The following SORCS2 variants were observed in gnomAD, a reference collection of about 807,000 sequenced individuals.
SORCS2 encodes the protein sortilin related VPS10 domain containing receptor 2.
Under a neutral mutation model 141.6 loss-of-function variants are expected in SORCS2, and 100 were observed. That is an observed-to-expected ratio of 0.71 (90% CI 0.60 to 0.83). The LOEUF (loss-of-function observed/expected upper bound fraction) is 0.83, where lower values mean the gene tolerates loss of function less well. Ranked by LOEUF, SORCS2 falls within the 40% of genes least tolerant of loss-of-function variation. SORCS2 has a pLI of 0.00. For synonymous variants in SORCS2, 789 were observed against 676.9 expected, an observed-to-expected ratio of 1.17 and a Z score of -2.57; for missense variants, 1,646 against 1,560.2, an observed-to-expected ratio of 1.05 and a Z score of -0.93.
chr4:7,502,060 T>C (rs1287061029), intron 2 of SORCS2, among the ~76,000 whole-genome samples: 8 of 152,116 alleles, frequency 5.3e-5, no homozygotes, highest in Non-Finnish European at 8.8e-5. Context: ...TGAGCGCCAG[T>C]CACATGTGCC....
At chr4:7,585,033 G>A (rs1716444245) in intron 3 of SORCS2, among the ~76,000 whole-genome samples, 1 of 152,188 alleles carries the variant, frequency 6.6e-6, no homozygotes. Context: ...GGGAGAGAAA[G>A]AGCAGCCGTT....
At chr4:7,722,705 A>G (rs1024928707) in intron 18 of SORCS2, among the ~76,000 whole-genome samples, 1 of 152,206 alleles carries the variant, frequency 6.6e-6, no homozygotes, top group African/African-American at 2.4e-5. Context: ...CCCTATTTCC[A>G]AATGAGGTCA....
At chr4:7,238,747 T>C (rs1201158264) in intron 1 of SORCS2, among the ~76,000 whole-genome samples, 1 of 152,182 alleles carries the variant, frequency 6.6e-6, no homozygotes, top group East Asian at 1.9e-4. Flanking sequence ...GCTTGGTGCT[T>C]CTGTTTTCGC....
At chr4:7,703,134 C>A in intron 12 of SORCS2, 146 bp from the exon 13 acceptor site, 1 of 607,692 alleles carries the variant, frequency 1.6e-6, no homozygotes, top group Non-Finnish European at 2.8e-6. Flanking sequence ...TGGCCCGGGA[C>A]ATGCAGGGAA....
intron 1 of SORCS2, among the ~76,000 whole-genome samples, chr4:7,379,491 C>A (rs1008772536): frequency 6.6e-6 from 1 of 152,236 alleles, no homozygotes; most frequent in African/African-American, 2.4e-5. Context: ...GTTGGCTGGG[C>A]TGCTGCAATT....
intron 3 of SORCS2, among the ~76,000 whole-genome samples, chr4:7,570,946 C>G (rs1460957204): frequency 1.3e-5 from 2 of 152,158 alleles, no homozygotes; most frequent in African/African-American, 4.8e-5. Context: ...GCTGTTCTGC[C>G]CCTTTTCCAG....
intron 1 of SORCS2, among the ~76,000 whole-genome samples, chr4:7,195,086 C>T (rs779292155): frequency 1.6e-4 from 25 of 151,970 alleles, no homozygotes; most frequent in Non-Finnish European, 2.9e-4. Flanking sequence ...GTCAGAGGAG[C>T]CCATGTGGCT....
chr4:7,436,599 G>T (rs190637773), intron 2 of SORCS2, among the ~76,000 whole-genome samples: 2 of 152,212 alleles, frequency 1.3e-5, no homozygotes, highest in Non-Finnish European at 2.9e-5. Context: ...TTCTTGGCTC[G>T]GCATTGTCTT....
At chr4:7,264,539 G>A (rs1714586712) in intron 1 of SORCS2, among the ~76,000 whole-genome samples, 1 of 152,208 alleles carries the variant, frequency 6.6e-6, no homozygotes, top group Admixed American at 6.5e-5. Context: ...TGGGCACTCA[G>A]CCCCTGGTCT....
chr4:7,722,148 G>A (rs1032435486), intron 18 of SORCS2, among the ~76,000 whole-genome samples: 3 of 152,202 alleles, frequency 2.0e-5, no homozygotes, highest in Non-Finnish European at 4.4e-5. Context: ...ACAAGGCCCC[G>A]AGAGGTGGCG....
At chr4:7,351,084 C>T (rs1438820276) in intron 1 of SORCS2, among the ~76,000 whole-genome samples, 1 of 152,212 alleles carries the variant, frequency 6.6e-6, no homozygotes, top group Non-Finnish European at 1.5e-5. Context: ...ACGGACCAGG[C>T]TGCAAGGGTG....
intron 3 of SORCS2, among the ~76,000 whole-genome samples, chr4:7,556,134 A>G (rs1714088581): frequency 1.3e-5 from 2 of 152,032 alleles, no homozygotes; most frequent in Admixed American, 1.3e-4. Flanking sequence ...ATAGGAGGGG[A>G]CCCACTGGAG....
intron 1 of SORCS2, among the ~76,000 whole-genome samples, chr4:7,351,214 G>T (rs185733541): frequency 6.6e-6 from 1 of 152,270 alleles, no homozygotes; most frequent in East Asian, 1.9e-4. Context: ...GTGAGCGCAG[G>T]GACTTCACAT....
chr4:7,624,119 C>T (rs1719376981), intron 3 of SORCS2, among the ~76,000 whole-genome samples: 1 of 152,222 alleles, frequency 6.6e-6, no homozygotes, highest in African/African-American at 2.4e-5. Context: ...CTATGCACAA[C>T]TATTTGTTAC....
At chr4:7,222,976 G>C (rs966664496) in intron 1 of SORCS2, among the ~76,000 whole-genome samples, 2 of 152,094 alleles carry the variant, frequency 1.3e-5, no homozygotes, top group Non-Finnish European at 2.9e-5. Flanking sequence ...TGGCTGCGTC[G>C]GTGGAGGGAG....
intron 2 of SORCS2, among the ~76,000 whole-genome samples, chr4:7,408,305 C>A (rs1055197951): frequency 2.0e-5 from 3 of 151,922 alleles, no homozygotes; most frequent in African/African-American, 7.3e-5. Flanking sequence ...ATTCCCTCAG[C>A]TTTTGTTTGT....
At chr4:7,705,342 AGAGAGCATGTGAGCAATGCTTCAGGGTGG>A (rs1725363470) in intron 14 of SORCS2, among the ~76,000 whole-genome samples, 1 of 152,206 alleles carries the variant, frequency 6.6e-6, no homozygotes, top group Non-Finnish European at 1.5e-5. Context: ...CAGAGCGCTG[AGAGAGCATGTGAGCAATGCTTCAGGGTGG>A]GAGAGCATGT....
At chr4:7,671,941 C>CTTTT (rs34912914) in intron 8 of SORCS2, among the ~76,000 whole-genome samples, 4 of 128,600 alleles carry the variant, frequency 3.1e-5, no homozygotes, top group Non-Finnish European at 4.9e-5. Context: ...AAGACAGAAA[C>CTTTT]TTTTTTTTTT....
At chr4:7,424,312 ATGGCAGGCAG>A (rs1726281312) in intron 2 of SORCS2, among the ~76,000 whole-genome samples, 1 of 152,180 alleles carries the variant, frequency 6.6e-6, no homozygotes, top group Non-Finnish European at 1.5e-5. Context: ...AAACCCCACG[ATGGCAGGCAG>A]TGGCAGGCAG....
Sources: gnomAD v4.1 joint callset for allele counts (sites outside exome capture counted in the v4.1 genomes callset) on GRCh38, gnomAD v4.1.1 for gene constraint, MANE v1.5 for transcripts, NCBI Gene and HGNC (gene_info 2026-07-23, HGNC 2026-07-21) for gene names.